The following TLE5 variants were observed in gnomAD, a reference collection of about 807,000 sequenced individuals.
The protein encoded by TLE5 is TLE family member 5, transcriptional modulator, also known as TLE family member 5.
In TLE5, 7 loss-of-function variants were observed where a neutral mutation model predicts 25.8. That is an observed-to-expected ratio of 0.27 (90% confidence interval 0.15 to 0.51). The LOEUF is 0.51. Among genes scored for constraint, TLE5 ranks in the 20% least tolerant of loss-of-function variants. The probability of loss-of-function intolerance (pLI) is 0.97; values close to 1 mark genes in which losing one functional copy is unlikely to be tolerated. For synonymous variants in TLE5, 132 were observed against 110.5 expected (o/e 1.20, Z -1.22); for missense variants, 149 against 250.7 (o/e 0.59, Z 2.74).
intron 4 of TLE5, 171 bp from the exon 5 acceptor site, chr19:3,055,897 A>C: frequency 1.6e-6 from 1 of 619,896 alleles, no homozygotes; most frequent in Non-Finnish European, 2.7e-6. Context: ...GAGGGCAGCC[A>C]GTCAGTGGCA....
At chr19:3,061,295 G>A in intron 1 of TLE5, 38 bp from the exon 2 acceptor site, 1 of 1,537,968 alleles carries the variant, frequency 6.5e-7, no homozygotes. Context: ...GCCCAGGCGT[G>A]GGCTGGACCC....
chr19:3,058,149 G>T (rs2090236182), intron 2 of TLE5, among the ~76,000 whole-genome samples: 4 of 152,076 alleles, frequency 2.6e-5, no homozygotes, highest in Admixed American at 2.6e-4. Context: ...ACTGTAAGAA[G>T]GGGGTGATGA....
At chr19:3,056,198 G>GA in intron 4 of TLE5, 114 bp downstream of exon 4, 1 of 683,772 alleles carries the variant, frequency 1.5e-6, no homozygotes, top group Non-Finnish European at 2.4e-6. Flanking sequence ...GGCTGGCTTG[G>GA]TGCCCAGCCG....
chr19:3,060,336 T>C (rs113456288), intron 2 of TLE5, among the ~76,000 whole-genome samples: 3 of 139,174 alleles, frequency 2.2e-5, no homozygotes, highest in African/African-American at 8.3e-5. Flanking sequence ...TTCTTTTTTT[T>C]TTTTTTTTTT....
At chr19:3,061,676 C>G (rs1421261295) in intron 1 of TLE5, among the ~76,000 whole-genome samples, 2 of 151,532 alleles carry the variant, frequency 1.3e-5, no homozygotes, top group Non-Finnish European at 3.0e-5. Flanking sequence ...GGGTCTCTCT[C>G]TCGGTGCTCG....
intron 3 of TLE5, chr19:3,056,637 C>T (rs2090221713): frequency 3.1e-6 from 2 of 641,410 alleles, no homozygotes; most frequent in African/African-American, 3.6e-5. Context: ...TGGCTCCTCC[C>T]CCACTCCATG....
In TLE5 at chr19:3,057,712, A is replaced by G. The variant is rs999534473; in HGVS notation, c.156T>C (p.Ser52=). ...AGTGACGCTGCATCTCTGACTTCTC[A>G]CTGGCCAACTTGTCACATTCGAGCT... The part of the protein sequence containing the change: ...SLKLECDKLA[S]EKSEMQRHYV... The change falls in exon 3 of 7, where the codon AGT becomes AGC. Residue 52 remains serine, a synonymous_variant. Transcript: ENST00000327141. 3.7e-6 allele frequency: 6 copies of G among 1,613,558 alleles called. No individual in the cohort carries two copies. The highest frequency in any genetic ancestry group is 1.3e-5 in the African/African-American group (1 of 74,986).
chr19:3,056,713 G>A (rs1275612912), intron 3 of TLE5: 1 of 411,248 alleles, frequency 2.4e-6, no homozygotes. Flanking sequence ...GTCTGCGGGT[G>A]GGCCCAGACG....
At chr19:3,055,328 G>A in intron 5 of TLE5, 1 of 187,676 alleles carries the variant, frequency 5.3e-6, no homozygotes, top group Non-Finnish European at 1.1e-5. Context: ...GGAGGAGGAT[G>A]TCTCAAGAGG....
At chr19:3,056,243 G>A in intron 4 of TLE5, 69 bp downstream of exon 4, 1 of 1,210,636 alleles carries the variant, frequency 8.3e-7, no homozygotes, top group Non-Finnish European at 1.1e-6. Context: ...GGTGCCCAAG[G>A]CGGGGCTGGA....
At chr19:3,062,874 C>T, upstream of TLE5, 2 of 1,449,370 alleles carry the variant, frequency 1.4e-6, no homozygotes, top group South Asian at 1.2e-5. Context: ...TCCTTTTCTG[C>T]AGAAAGGCAG....
chr19:3,058,440 G>A (rs1371392600), intron 2 of TLE5, among the ~76,000 whole-genome samples: 1 of 152,130 alleles, frequency 6.6e-6, no homozygotes, highest in African/African-American at 2.4e-5. Context: ...CAAATAGAAC[G>A]TACAAAGAGG....
intron 5 of TLE5, 27 bp downstream of exon 5, chr19:3,055,637 A>G (rs371219544): frequency 5.1e-6 from 8 of 1,569,586 alleles, no homozygotes; most frequent in Non-Finnish European, 6.9e-6. Context: ...CCCCCTCACA[A>G]CCCCTCCCCA....
At position 3,053,739 on chromosome 19, in the gene TLE5, CTT is replaced by C; in HGVS notation, c.*78_*79del. On this transcript the variant is annotated 3_prime_UTR_variant, in exon 7 of 7. Transcript: ENST00000327141. ...TAGCCAATCCCGAGCTCCGCTGTGT[CTT>C]GTGCTAAACATTCCTTTCTCTCCGT... The C allele has an allele frequency of 6.8e-7, 1 of 1,481,008 alleles. No individual in the cohort carries two copies. 91.7% of individuals were successfully genotyped at this position (1,481,008 alleles called of 1,614,324 possible).
chr19:3,055,908 A>G, intron 4 of TLE5, 182 bp from the exon 5 acceptor site: 1 of 584,900 alleles, frequency 1.7e-6, no homozygotes, highest in Non-Finnish European at 2.9e-6. Flanking sequence ...GTCAGTGGCA[A>G]AGGTGGGGCT....
chr19:3,054,086 T>TCCCCA, intron 6 of TLE5, 34 bp downstream of exon 6: 1 of 1,512,818 alleles, frequency 6.6e-7, no homozygotes. Flanking sequence ...GGCCCACCTG[T>TCCCCA]CCCCCGCCCA....
rs2090192866 is a variant in TLE5 at position 3,053,714 on chromosome 19, T to C, written c.*105A>G. ...GGCCACCATAAATACTATGGGAGTT[T>C]AGCCAATCCCGAGCTCCGCTGTGTC... On this transcript the variant is annotated 3_prime_UTR_variant, in exon 7 of 7. Transcript: ENST00000327141. 1.5e-6 allele frequency: 2 copies of C among 1,323,792 alleles called. No individual in the cohort carries two copies. Among genetic ancestry groups the C allele is most frequent in the South Asian group, 2.8e-5 (2 of 71,246 alleles). The allele number at this position is 1,323,792 out of a possible 1,614,324, so 82.0% of individuals were successfully genotyped here.
In TLE5 at chr19:3,055,731, AAC is replaced by A. The variant is rs757358825; in HGVS notation, c.235-7_235-6del. On this transcript the variant is annotated splice_region_variant and splice_polypyrimidine_tract_variant and intron_variant, in intron 4 of 6. Coordinates refer to ENST00000327141, the MANE Select transcript of TLE5 (RefSeq NM_001130.6). ...CAGCCTTTTGACGATCTCAGCCTGG[AAC>A]ACACAGATGAAGCCGGCTTCAGTCC... 1 of 1,606,332 alleles carries A rather than the reference AAC, an allele frequency of 6.2e-7. No homozygotes were observed. Among genetic ancestry groups the A allele is most frequent in the Non-Finnish European group, 8.5e-7 (1 of 1,176,088 alleles).
chr19:3,057,447 G>GGCCCT, intron 3 of TLE5: 1 of 550,706 alleles, frequency 1.8e-6, no homozygotes. Context: ...GACCTGGCAG[G>GGCCCT]GCCGGTCTGC....
Sources: allele counts gnomAD v4.1 joint callset (sites outside exome capture counted in the v4.1 genomes callset), GRCh38; gene constraint gnomAD v4.1.1; transcripts MANE v1.5; gene names NCBI Gene and HGNC (gene_info 2026-07-23, HGNC 2026-07-21).